Variants in PRELID2 observed in about 807,000 individuals in gnomAD.
PRELID2 encodes the protein PRELI domain-containing protein 2.
PRELID2 carries 25 observed loss-of-function variants against 28.4 expected under a neutral mutation model. That is an observed-to-expected ratio of 0.88 (90% CI 0.64 to 1.23). The LOEUF (loss-of-function observed/expected upper bound fraction) is 1.23, where lower values mean the gene tolerates loss of function less well. Among genes scored for constraint, PRELID2 ranks in the 50% most tolerant of loss-of-function variants. The pLI is 0.00. For missense variants in PRELID2, 201 were observed against 214.4 expected, an observed-to-expected ratio of 0.94 and a Z score of 0.39; for synonymous variants, 76 against 71.6, an observed-to-expected ratio of 1.06 and a Z score of -0.31.
chr5:145,269,753 G>A, the PRELID2 span, among the ~76,000 whole-genome samples: 1 of 149,694 alleles, frequency 6.7e-6, no homozygotes, highest in African/African-American at 2.4e-5. Flanking sequence ...TTTAACAAAA[G>A]TGGGCAAAAC....
At chr5:145,696,468 C>G (rs1310445783) in intron 1 of PRELID2, among the ~76,000 whole-genome samples, 2 of 152,058 alleles carry the variant, frequency 1.3e-5, no homozygotes, top group African/African-American at 4.8e-5. Context: ...ACTTCCTTAT[C>G]TCTAAAATAT....
chr5:145,627,848 C>A (rs1051412475), intron 1 of PRELID2, among the ~76,000 whole-genome samples: 5 of 152,122 alleles, frequency 3.3e-5, no homozygotes, highest in African/African-American at 1.2e-4. Context: ...TCATGCTGAC[C>A]CCTTTCCATT....
At chr5:145,532,502 G>A (rs1414809097) in intron 1 of PRELID2, among the ~76,000 whole-genome samples, 1 of 151,958 alleles carries the variant, frequency 6.6e-6, no homozygotes, top group Non-Finnish European at 1.5e-5. Context: ...TGCTCTTAGT[G>A]ACTGTCAAGT....
intron 1 of PRELID2, among the ~76,000 whole-genome samples, chr5:145,706,679 T>C (rs1448543994): frequency 3.9e-5 from 6 of 152,226 alleles, no homozygotes; most frequent in African/African-American, 9.6e-5. Context: ...AGTGTCAGCA[T>C]TGTTCAGTCT....
chr5:145,367,838 T>G, the PRELID2 span, among the ~76,000 whole-genome samples: 9 of 141,878 alleles, frequency 6.3e-5, no homozygotes, highest in African/African-American at 1.5e-4. Context: ...CATTTTTATC[T>G]ATCCACTCAC....
intron 1 of PRELID2, among the ~76,000 whole-genome samples, chr5:145,496,103 T>C (rs925313717): frequency 6.6e-6 from 1 of 152,146 alleles, no homozygotes; most frequent in Non-Finnish European, 1.5e-5. Flanking sequence ...TCTTAGAAAT[T>C]AGAAGCATGA....
intron 1 of PRELID2, among the ~76,000 whole-genome samples, chr5:145,681,825 G>A (rs1319631435): frequency 2.0e-5 from 3 of 152,074 alleles, no homozygotes; most frequent in Non-Finnish European, 4.4e-5. Flanking sequence ...ACTACACTAA[G>A]TGAACCATAA....
intron 1 of PRELID2, among the ~76,000 whole-genome samples, chr5:145,737,489 A>C (rs1411065876): frequency 6.6e-6 from 1 of 152,174 alleles, no homozygotes; most frequent in Non-Finnish European, 1.5e-5. Context: ...GAAGCTAGGA[A>C]ACTTGGGACC....
chr5:145,291,958 A>AT, the PRELID2 span, among the ~76,000 whole-genome samples: 1 of 152,178 alleles, frequency 6.6e-6, no homozygotes, highest in South Asian at 2.1e-4. Flanking sequence ...TGAGCAACAA[A>AT]TTTTAATACT....
At chr5:145,752,177 C>A (rs1008402311), downstream of PRELID2, among the ~76,000 whole-genome samples, 10 of 152,270 alleles carry the variant, frequency 6.6e-5, no homozygotes, top group African/African-American at 2.4e-4. Context: ...TACTTCTCTG[C>A]AAAACCCTTT....
intron 1 of PRELID2, among the ~76,000 whole-genome samples, chr5:145,553,424 T>A (rs2126683622): frequency 6.6e-6 from 1 of 152,344 alleles, no homozygotes; most frequent in South Asian, 2.1e-4. Context: ...TGGCACTCCA[T>A]CCTTAGCTAG....
the PRELID2 span, among the ~76,000 whole-genome samples, chr5:145,289,367 G>T: frequency 1.8e-4 from 27 of 152,074 alleles, no homozygotes; most frequent in African/African-American, 6.0e-4. Flanking sequence ...TAGCCTTCTA[G>T]ACTGGCTTCT....
intron 1 of PRELID2, among the ~76,000 whole-genome samples, chr5:145,605,860 G>A (rs959220512): frequency 3.3e-5 from 5 of 151,868 alleles, no homozygotes; most frequent in African/African-American, 1.2e-4. Context: ...CTTTGAGCGG[G>A]ATGGCCATTT....
At chr5:145,517,373 A>T (rs1752526122) in intron 1 of PRELID2, among the ~76,000 whole-genome samples, 1 of 152,220 alleles carries the variant, frequency 6.6e-6, no homozygotes. Context: ...TTATGTGGCC[A>T]GAAAAACATG....
chr5:145,788,326 C>A (rs191421431), intron 5 of PRELID2, among the ~76,000 whole-genome samples: 2 of 152,212 alleles, frequency 1.3e-5, no homozygotes, highest in African/African-American at 4.8e-5. Context: ...TAAGCAAATA[C>A]TTGTCTTCAG....
the PRELID2 span, among the ~76,000 whole-genome samples, chr5:145,266,902 C>A: frequency 4.6e-5 from 7 of 151,980 alleles, no homozygotes; most frequent in Non-Finnish European, 7.4e-5. Context: ...GAATTGAAGG[C>A]CATTATTCTA....
the PRELID2 span, among the ~76,000 whole-genome samples, chr5:145,296,198 A>G: frequency 6.6e-6 from 1 of 150,454 alleles, no homozygotes; most frequent in East Asian, 1.9e-4. Flanking sequence ...TTTTTATTTT[A>G]TTATTATTAT....
the PRELID2 span, among the ~76,000 whole-genome samples, chr5:145,386,032 A>G: frequency 6.6e-6 from 1 of 152,040 alleles, no homozygotes; most frequent in East Asian, 1.9e-4. Flanking sequence ...CCGGGGTGCT[A>G]TAAAGACATA....
chr5:145,420,461 T>C, the PRELID2 span, among the ~76,000 whole-genome samples: 1 of 148,634 alleles, frequency 6.7e-6, no homozygotes, highest in Non-Finnish European at 1.5e-5. Context: ...CCTTGTAAGT[T>C]GGATTCCTAG....
Sources: gnomAD v4.1 joint callset for allele counts (sites outside exome capture counted in the v4.1 genomes callset) on GRCh38, gnomAD v4.1.1 for gene constraint, MANE v1.5 for transcripts, NCBI Gene and HGNC (gene_info 2026-07-23, HGNC 2026-07-21) for gene names.